The following TAFA4 variants were observed in gnomAD, a reference collection of about 807,000 sequenced individuals.
The protein encoded by TAFA4 is chemokine-like protein TAFA-4.
In TAFA4, 20 loss-of-function variants were observed where a neutral mutation model predicts 21.1. The ratio of observed to expected loss-of-function variants is 0.95; its 90% CI spans 0.67 to 1.38. The LOEUF (loss-of-function observed/expected upper bound fraction) is 1.38. TAFA4 is among the 40% of genes most tolerant of loss of function. TAFA4 has a pLI of 0.00. For missense variants in TAFA4, 211 were observed against 180.9 expected (o/e 1.17, Z -0.95); for synonymous variants, 71 against 67.4 (o/e 1.05, Z -0.26).
intron 3 of TAFA4, among the ~76,000 whole-genome samples, chr3:68,873,338 AC>A: frequency 2.6e-4 from 2 of 7,714 alleles, no homozygotes; most frequent in African/African-American, 7.8e-4. Flanking sequence ...ACGCAGACAT[AC>A]ACACACACAC....
chr3:68,851,855 C>T (rs1001336561), intron 3 of TAFA4, among the ~76,000 whole-genome samples: 6 of 152,054 alleles, frequency 3.9e-5, no homozygotes, highest in South Asian at 2.1e-4. Context: ...TGTAGGGAAA[C>T]GAACTGTGGA....
At chr3:68,861,777 A>G (rs1363618671) in intron 3 of TAFA4, among the ~76,000 whole-genome samples, 1 of 152,074 alleles carries the variant, frequency 6.6e-6, no homozygotes, top group Non-Finnish European at 1.5e-5. Context: ...GGGAAGTAGA[A>G]GGCAGTGGAA....
intron 3 of TAFA4, among the ~76,000 whole-genome samples, chr3:68,791,660 G>A (rs1259848554): frequency 2.0e-5 from 3 of 152,102 alleles, no homozygotes; most frequent in Non-Finnish European, 4.4e-5. Context: ...TTTCTGTCAG[G>A]AAGCCCAAGA....
At chr3:68,902,469 G>C (rs2106986626) in intron 1 of TAFA4, among the ~76,000 whole-genome samples, 1 of 152,172 alleles carries the variant, frequency 6.6e-6, no homozygotes, top group Non-Finnish European at 1.5e-5. Flanking sequence ...CCAGGACCAA[G>C]TGATCCTCCC....
chr3:68,901,550 T>G (rs1287474847), intron 1 of TAFA4, among the ~76,000 whole-genome samples: 1 of 152,142 alleles, frequency 6.6e-6, no homozygotes, highest in Non-Finnish European at 1.5e-5. Flanking sequence ...CTATTTAAAT[T>G]TAAATTTAAC....
chr3:68,770,179 G>C (rs1183470446), intron 3 of TAFA4, among the ~76,000 whole-genome samples: 1 of 152,070 alleles, frequency 6.6e-6, no homozygotes, highest in Non-Finnish European at 1.5e-5. Context: ...TTTGTTTTCT[G>C]TTTGTTTTTA....
chr3:68,863,884 G>A (rs2089383134), intron 3 of TAFA4, among the ~76,000 whole-genome samples: 1 of 152,036 alleles, frequency 6.6e-6, no homozygotes, highest in Non-Finnish European at 1.5e-5. Flanking sequence ...TAAGTAACAA[G>A]AGAACAATGT....
At chr3:68,788,414 T>C (rs1021845682) in intron 3 of TAFA4, among the ~76,000 whole-genome samples, 1 of 152,224 alleles carries the variant, frequency 6.6e-6, no homozygotes, top group African/African-American at 2.4e-5. Context: ...GGAGAGGTCA[T>C]TTCTGACTAT....
chr3:68,801,597 T>C (rs1158969636), intron 3 of TAFA4, among the ~76,000 whole-genome samples: 1 of 152,216 alleles, frequency 6.6e-6, no homozygotes, highest in Non-Finnish European at 1.5e-5. Flanking sequence ...ACTACACATC[T>C]ATCGTGGCAA....
At chr3:68,750,090 C>T (rs1259857965) in intron 4 of TAFA4, among the ~76,000 whole-genome samples, 1 of 152,176 alleles carries the variant, frequency 6.6e-6, no homozygotes, top group Non-Finnish European at 1.5e-5. Context: ...TTTAGTTAAC[C>T]TGAGAGTCTG....
intron 4 of TAFA4, among the ~76,000 whole-genome samples, chr3:68,750,819 C>T (rs949559981): frequency 1.3e-5 from 2 of 152,182 alleles, no homozygotes; most frequent in East Asian, 3.9e-4. Flanking sequence ...GGCAAGCAAA[C>T]ATATTGTCTG....
At chr3:68,809,685 T>C (rs542671872) in intron 3 of TAFA4, among the ~76,000 whole-genome samples, 202 of 151,566 alleles carry the variant, frequency 1.3e-3, no homozygotes, top group African/African-American at 4.4e-3. Context: ...AGCAGTTTTA[T>C]GGTTTCATAG....
rs558607715 is a variant in TAFA4 at position 68,881,735 on chromosome 3, T to C, written c.15-890A>G. On this transcript the variant is annotated intron_variant, in intron 2 of 5. Transcript: ENST00000295569. ...ATCAAAGAAACCCCTGTTTAATATA[T>C]GCAAATGTATACACACTTATGGGCC... Among the ~76,000 whole-genome samples, 7 of 152,324 alleles carry C rather than the reference T, an allele frequency of 4.6e-5. No homozygotes were observed. The South Asian group carries it at 1.4e-3, about 32-fold the overall frequency.
chr3:68,783,422 G>T (rs1392258598), intron 3 of TAFA4, among the ~76,000 whole-genome samples: 3 of 152,150 alleles, frequency 2.0e-5, no homozygotes, highest in African/African-American at 7.2e-5. Context: ...CATCCAGCCT[G>T]GGGGCCTCAG....
At chr3:68,733,686 T>C (rs1702192214) in intron 5 of TAFA4, among the ~76,000 whole-genome samples, 1 of 152,188 alleles carries the variant, frequency 6.6e-6, no homozygotes, top group African/African-American at 2.4e-5. Context: ...TGAACAGCAG[T>C]TTCTATTCAT....
chr3:68,805,311 C>T (rs1703669029), intron 3 of TAFA4, among the ~76,000 whole-genome samples: 2 of 152,124 alleles, frequency 1.3e-5, no homozygotes, highest in Admixed American at 6.5e-5. Context: ...ACAACAGATG[C>T]TGGAGAGGAT....
intron 1 of TAFA4, among the ~76,000 whole-genome samples, chr3:68,893,580 C>T (rs910172089): frequency 1.3e-5 from 2 of 152,190 alleles, no homozygotes; most frequent in Non-Finnish European, 2.9e-5. Flanking sequence ...TCCGAGGTGC[C>T]TTCCAGCTGT....
chr3:68,860,264 G>C (rs538714011), intron 3 of TAFA4, among the ~76,000 whole-genome samples: 23 of 152,234 alleles, frequency 1.5e-4, no homozygotes, highest in Non-Finnish European at 2.6e-4. Flanking sequence ...CCTACCTAAT[G>C]AACAGAAGGG....
chr3:68,927,272 C>A (rs1390892068), intron 1 of TAFA4, among the ~76,000 whole-genome samples: 2 of 152,154 alleles, frequency 1.3e-5, no homozygotes, highest in African/African-American at 4.8e-5. Flanking sequence ...TCAATATTTT[C>A]ATCACACTAG....
Sources: gnomAD v4.1 joint callset for allele counts (sites outside exome capture counted in the v4.1 genomes callset) on GRCh38, gnomAD v4.1.1 for gene constraint, MANE v1.5 for transcripts, NCBI Gene and HGNC (gene_info 2026-07-23, HGNC 2026-07-21) for gene names.